Variants in EFCAB6 observed in about 807,000 individuals in gnomAD.
EFCAB6 encodes the protein EF-hand calcium binding domain 6.
EFCAB6 carries 156 observed loss-of-function variants against 169.8 expected under a neutral mutation model. That is an observed-to-expected ratio of 0.92 (90% confidence interval 0.81 to 1.05). EFCAB6 has a LOEUF of 1.05. Ranked by LOEUF, EFCAB6 falls within the 50% of genes least tolerant of loss-of-function variation. EFCAB6 has a pLI of 0.00. For missense variants in EFCAB6, 1,800 were observed against 1,829.1 expected, an observed-to-expected ratio of 0.98 and a Z score of 0.29; for synonymous variants, 698 against 676.4, an observed-to-expected ratio of 1.03 and a Z score of -0.50.
At chr22:43,574,325 T>C (rs1025760221) in intron 26 of EFCAB6, among the ~76,000 whole-genome samples, 1 of 151,878 alleles carries the variant, frequency 6.6e-6, no homozygotes, top group Non-Finnish European at 1.5e-5. Flanking sequence ...AAAAAAAAAC[T>C]TCTTTAAGGC....
chr22:43,710,849 G>C (rs531307636), intron 10 of EFCAB6, among the ~76,000 whole-genome samples: 1 of 152,320 alleles, frequency 6.6e-6, no homozygotes, highest in East Asian at 1.9e-4. Flanking sequence ...TTAGGGTAGG[G>C]AGTCAGGGGA....
chr22:43,759,974 G>A (rs959253016), intron 5 of EFCAB6: 1 of 152,196 alleles, frequency 6.6e-6, no homozygotes, highest in African/African-American at 2.4e-5. Flanking sequence ...GGAGGCTGAG[G>A]TGGGCGCATC....
In EFCAB6 at chr22:43,765,205, T is replaced by C. The variant is rs1418483119; in HGVS notation, c.440+100A>G. The stretch of plus-strand genomic sequence containing the variant: ...ACAAGTTCTACAAACTCATCTTCCA[T>C]ATATAGCTGTTGATATGATTAGTTC... On this transcript the variant is annotated intron_variant, in intron 5 of 31. Coordinates refer to ENST00000262726, the MANE Select transcript of EFCAB6 (RefSeq NM_022785.4). 6.1e-6 allele frequency: 5 copies of C among 825,906 alleles called. No individual in the cohort carries two copies. The East Asian group carries it at 1.4e-4, about 22-fold the overall frequency. 51.2% of individuals were successfully genotyped at this position (825,906 alleles called of 1,614,324 possible).
chr22:43,534,584 G>T, intron 30 of EFCAB6, 104 bp downstream of exon 30: 1 of 1,110,580 alleles, frequency 9.0e-7, no homozygotes, highest in Non-Finnish European at 1.2e-6. Context: ...GTGAACCACT[G>T]TTCTCCAGTC....
At chr22:43,679,464 T>G (rs1389414781) in intron 12 of EFCAB6, among the ~76,000 whole-genome samples, 1 of 152,242 alleles carries the variant, frequency 6.6e-6, no homozygotes, top group Non-Finnish European at 1.5e-5. Flanking sequence ...CACAAGTCTT[T>G]GTGTGGACAT....
At chr22:43,560,234 TATTGATATCAAC>T (rs1302064981) in intron 26 of EFCAB6, among the ~76,000 whole-genome samples, 1 of 152,172 alleles carries the variant, frequency 6.6e-6, no homozygotes, top group Non-Finnish European at 1.5e-5. Context: ...TCATTAGACA[TATTGATATCAAC>T]ATTGATATTA....
At chr22:43,592,619 C>T (rs915145797) in intron 23 of EFCAB6, among the ~76,000 whole-genome samples, 6 of 152,090 alleles carry the variant, frequency 3.9e-5, no homozygotes, top group South Asian at 2.1e-4. Context: ...CGGTGTCAGC[C>T]GACACTCCGT....
Position 43,528,840 on chromosome 22 carries a change from A to C in EFCAB6, c.*13T>G. On this transcript the variant is annotated 3_prime_UTR_variant, in exon 32 of 32. Coordinates refer to ENST00000262726, the MANE Select transcript of EFCAB6 (RefSeq NM_022785.4). ...CTGTGGCTGTCGTCCCGCTGGGCAC[A>C]CAGCAGGGGTGTCTACTGGAGGAAT... 1.9e-6 allele frequency: 3 copies of C among 1,583,706 alleles called. No individual in the cohort carries two copies. Among genetic ancestry groups the C allele is most frequent in the Non-Finnish European group, 2.6e-6 (3 of 1,156,124 alleles).
intron 26 of EFCAB6, among the ~76,000 whole-genome samples, chr22:43,563,754 C>A (rs926729416): frequency 2.0e-5 from 3 of 152,198 alleles, no homozygotes; most frequent in African/African-American, 7.2e-5. Flanking sequence ...ACCAGGCTAT[C>A]ATGAATGATC....
intron 17 of EFCAB6, among the ~76,000 whole-genome samples, chr22:43,648,697 T>C (rs1298293169): frequency 6.6e-6 from 1 of 152,272 alleles, no homozygotes; most frequent in East Asian, 1.9e-4. Context: ...CATGTATTCC[T>C]TGAATCTAAA....
At chr22:43,543,392 A>C (rs1227837274) in intron 27 of EFCAB6, among the ~76,000 whole-genome samples, 5 of 152,202 alleles carry the variant, frequency 3.3e-5, no homozygotes, top group Admixed American at 2.6e-4. Context: ...ATCCACCTGC[A>C]AGCCCGAGGT....
chr22:43,651,506 G>A (rs1350533012), intron 17 of EFCAB6, among the ~76,000 whole-genome samples: 1 of 152,266 alleles, frequency 6.6e-6, no homozygotes, highest in Admixed American at 6.5e-5. Flanking sequence ...TGCTAGGGCA[G>A]TGCAGAAGGG....
At chr22:43,612,193 C>A (rs2147669055) in intron 21 of EFCAB6, among the ~76,000 whole-genome samples, 1 of 152,274 alleles carries the variant, frequency 6.6e-6, no homozygotes, top group East Asian at 1.9e-4. Flanking sequence ...GAATAAAAGA[C>A]TTAAACGTCA....
chr22:43,550,034 G>T (rs2048294373), intron 27 of EFCAB6, among the ~76,000 whole-genome samples: 1 of 152,214 alleles, frequency 6.6e-6, no homozygotes, highest in South Asian at 2.1e-4. Context: ...AATATCTATT[G>T]TGGTCAGGAA....
chr22:43,636,409 C>T (rs902767499), intron 17 of EFCAB6, among the ~76,000 whole-genome samples: 4 of 152,068 alleles, frequency 2.6e-5, no homozygotes, highest in African/African-American at 9.7e-5. Flanking sequence ...CCCCTTAGTG[C>T]CCGTGTGTGC....
chr22:43,599,509 C>CAA lies in EFCAB6; in HGVS notation c.2876+558_2876+559dup, dbSNP rs58130994. Among the ~76,000 whole-genome samples the CAA allele has an allele frequency of 9.7e-4, 43 of 44,240 alleles. 13 individuals are homozygous for CAA. The highest frequency in any genetic ancestry group is 1.2e-3 in the Non-Finnish European group (30 of 24,470). 29.0% of individuals were successfully genotyped at this position (44,240 alleles called of 152,430 possible). A position where few individuals can be genotyped will look rare whatever the true frequency, so the allele number is the denominator to read the frequency against. ...TGGGAGACAGAGTGAGATTCCATCT[C>CAA]AAAAAAAAAAAAAAAAAAAAAAAAA... is the stretch of plus-strand genomic sequence containing the variant. On this transcript the variant is annotated intron_variant, in intron 23 of 31. Coordinates refer to ENST00000262726, the MANE Select transcript of EFCAB6 (RefSeq NM_022785.4).
chr22:43,537,309 C>T lies in EFCAB6; in HGVS notation c.4048+68G>A. The T allele has an allele frequency of 6.4e-7, 1 of 1,567,852 alleles. No individual in the cohort carries two copies. The highest frequency in any genetic ancestry group is 8.7e-7 in the Non-Finnish European group (1 of 1,153,114). On this transcript the variant is annotated intron_variant, in intron 29 of 31. Transcript: ENST00000262726. The surrounding 1 kb of genome is among the most constrained non-coding windows in gnomAD (Gnocchi z 4.3). Reference sequence around the variant, plus strand: ...CTCCACCCGGGGTGTGGCTTTGTACCCAGTGGGAACAGCCTCTTGCCACAG... The same window carrying T: ...CTCCACCCGGGGTGTGGCTTTGTACTCAGTGGGAACAGCCTCTTGCCACAG...
intron 19 of EFCAB6, among the ~76,000 whole-genome samples, chr22:43,630,366 G>A (rs866860769): frequency 2.6e-5 from 4 of 152,166 alleles, no homozygotes. Flanking sequence ...GTGATGGTCT[G>A]TTGAATGAAT....
chr22:43,614,599 G>A (rs1432536634), intron 21 of EFCAB6, among the ~76,000 whole-genome samples: 1 of 152,184 alleles, frequency 6.6e-6, no homozygotes. Flanking sequence ...TCCATGAAAG[G>A]TTCTAGTCCC....
Sources: allele counts gnomAD v4.1 joint callset (sites outside exome capture counted in the v4.1 genomes callset), GRCh38; gene constraint gnomAD v4.1.1; non-coding constraint Gnocchi (gnomAD v3.1); transcripts MANE v1.5; gene names NCBI Gene and HGNC (gene_info 2026-07-23, HGNC 2026-07-21).